The following CNIH3 variants were observed in gnomAD, a reference collection of about 807,000 sequenced individuals.
The protein encoded by CNIH3 is protein cornichon homolog 3.
Under a neutral mutation model 24.1 loss-of-function variants are expected in CNIH3, and 14 were observed. The ratio of observed to expected loss-of-function variants is 0.58; its 90% CI spans 0.38 to 0.91. CNIH3 has a LOEUF of 0.91. CNIH3 is among the 40% of genes least tolerant of loss of function. CNIH3 has a pLI of 0.00. For missense variants in CNIH3, 178 were observed against 196.8 expected (o/e 0.90, Z 0.57); for synonymous variants, 68 against 73.8 (o/e 0.92, Z 0.40).
At chr1:224,535,530 G>T (rs566549725) in intron 2 of CNIH3, among the ~76,000 whole-genome samples, 1 of 152,318 alleles carries the variant, frequency 6.6e-6, no homozygotes, top group Admixed American at 6.5e-5. Flanking sequence ...TAATGTTACT[G>T]TACTCAACTG....
At chr1:224,579,663 C>T (rs1049715308) in intron 4 of CNIH3, among the ~76,000 whole-genome samples, 4 of 152,148 alleles carry the variant, frequency 2.6e-5, no homozygotes, top group African/African-American at 7.2e-5. Context: ...GTGGATTCCT[C>T]AGGAAGGGAT....
At chr1:224,496,767 T>G (rs1677457084) in intron 1 of CNIH3, among the ~76,000 whole-genome samples, 1 of 152,226 alleles carries the variant, frequency 6.6e-6, no homozygotes, top group Non-Finnish European at 1.5e-5. Flanking sequence ...CTGCAAATCC[T>G]TATTGAAAAC....
chr1:224,583,113 G>A (rs1681347077), intron 4 of CNIH3: 1 of 152,198 alleles, frequency 6.6e-6, no homozygotes, highest in African/African-American at 2.4e-5. Context: ...ACTTGAGTCT[G>A]TGCTCTTAGA....
chr1:224,600,487 C>T (rs779866672), intron 3 of CNIH3, among the ~76,000 whole-genome samples: 4 of 152,092 alleles, frequency 2.6e-5, no homozygotes, highest in East Asian at 1.9e-4. Flanking sequence ...CCATCGTGCC[C>T]GGCCATCTGT....
intron 1 of CNIH3, among the ~76,000 whole-genome samples, chr1:224,452,709 G>GA (rs1156595730): frequency 6.7e-6 from 1 of 148,554 alleles, no homozygotes; most frequent in African/African-American, 2.5e-5. Flanking sequence ...ATGAACCTGG[G>GA]AGGCAGAGCT....
In CNIH3 at chr1:224,474,880, TAAAAA is replaced by T. The variant is rs1160769764; in HGVS notation, n.203+40019_203+40023del. Among the ~76,000 whole-genome samples, 7 of 42,396 alleles carry T rather than the reference TAAAAA, an allele frequency of 1.7e-4. No individual in the cohort carries two copies. The East Asian group carries it at 0.01, about 61-fold the overall frequency. 27.8% of individuals were successfully genotyped at this position (42,396 alleles called of 152,430 possible). ...GTCTCTACTAAAAAATACAAAAAAA[TAAAAA>T]TAAAAAAAAGCCGGTCGTGGCAGTG... On this transcript the variant is annotated intron_variant and non_coding_transcript_variant, in intron 1 of 5. Coordinates refer to the CNIH3 transcript ENST00000471578.
intron 1 of CNIH3, among the ~76,000 whole-genome samples, chr1:224,466,325 A>G (rs1676150894): frequency 6.6e-6 from 1 of 152,200 alleles, no homozygotes; most frequent in Non-Finnish European, 1.5e-5. Flanking sequence ...ATTCAAATAC[A>G]TTACGTAAAT....
intron 4 of CNIH3, among the ~76,000 whole-genome samples, chr1:224,579,353 A>G (rs916897464): frequency 3.9e-5 from 6 of 152,192 alleles, no homozygotes; most frequent in African/African-American, 1.2e-4. Flanking sequence ...CATAGAGTCC[A>G]TTGGAAACTC....
chr1:224,700,829 G>A (rs948675527), intron 3 of CNIH3, among the ~76,000 whole-genome samples: 5 of 152,182 alleles, frequency 3.3e-5, no homozygotes, highest in African/African-American at 7.2e-5. Context: ...TGGGTCATTC[G>A]TCATTCTAAT....
At chr1:224,491,162 A>G (rs960338442) in intron 1 of CNIH3, among the ~76,000 whole-genome samples, 2 of 152,224 alleles carry the variant, frequency 1.3e-5, no homozygotes, top group African/African-American at 4.8e-5. Context: ...TTGCTTTAAC[A>G]GGCCCTTATT....
At chr1:224,533,578 T>G (rs1679166054) in intron 2 of CNIH3, among the ~76,000 whole-genome samples, 2 of 152,150 alleles carry the variant, frequency 1.3e-5, no homozygotes, top group African/African-American at 4.8e-5. Context: ...CCATGTTCTC[T>G]CTGAAGCCTC....
At chr1:224,738,563 CT>C (rs1689711141) in intron 5 of CNIH3, among the ~76,000 whole-genome samples, 1 of 152,138 alleles carries the variant, frequency 6.6e-6, no homozygotes, top group African/African-American at 2.4e-5. Context: ...TTAGATGAAT[CT>C]TTTTTTCTCA....
intron 1 of CNIH3, among the ~76,000 whole-genome samples, chr1:224,651,478 C>T (rs1419290477): frequency 6.6e-6 from 1 of 152,192 alleles, no homozygotes; most frequent in African/African-American, 2.4e-5. Flanking sequence ...TTTCCTCCAG[C>T]CACTGTCCCC....
chr1:224,572,658 C>CA (rs1422258411), intron 4 of CNIH3, among the ~76,000 whole-genome samples: 2 of 150,302 alleles, frequency 1.3e-5, no homozygotes, highest in Non-Finnish European at 3.0e-5. Flanking sequence ...ATTTCTGCCC[C>CA]AAAAAATGCT....
chr1:224,642,429 T>C (rs1461406732), intron 1 of CNIH3, among the ~76,000 whole-genome samples: 1 of 152,172 alleles, frequency 6.6e-6, no homozygotes, highest in Non-Finnish European at 1.5e-5. Context: ...GGAATCTCCC[T>C]ATGTTACCCA....
chr1:224,725,215 AAAT>A lies in CNIH3; in HGVS notation c.199-5240_199-5238del, dbSNP rs546096017. Among the ~76,000 whole-genome samples, 28 of 152,284 alleles carry A rather than the reference AAAT, an allele frequency of 1.8e-4. No individual in the cohort carries two copies. The East Asian group carries it at 5.4e-3, about 29-fold the overall frequency. On this transcript the variant is annotated intron_variant, in intron 3 of 5. Coordinates refer to ENST00000272133, the MANE Select transcript of CNIH3 (RefSeq NM_152495.2). ...ACAGAGCAAGACTCTATCTCAGAAA[AAAT>A]AATAATGATAATAATGATCACAACA...
chr1:224,700,734 T>C (rs1687441833), intron 3 of CNIH3, among the ~76,000 whole-genome samples: 1 of 152,156 alleles, frequency 6.6e-6, no homozygotes. Context: ...TGCCTCTCCA[T>C]GCTACCACAC....
chr1:224,720,584 T>A lies in CNIH3; in HGVS notation c.199-9878T>A, dbSNP rs1237439173. Among the ~76,000 whole-genome samples the A allele has an allele frequency of 2.0e-5, 3 of 152,310 alleles. No homozygotes were observed. The East Asian group carries it at 5.8e-4, about 29-fold the overall frequency. ...TGGAGAGGAGGGCGGAGCTCTCAGC[T>A]GTGCTAAATTCCCATCGAGCTCTAG... On this transcript the variant is annotated intron_variant, in intron 3 of 5. Coordinates refer to ENST00000272133, the MANE Select transcript of CNIH3 (RefSeq NM_152495.2).
chr1:224,586,382 CT>C (rs1208759582), intron 5 of CNIH3, among the ~76,000 whole-genome samples: 3 of 152,160 alleles, frequency 2.0e-5, no homozygotes, highest in Admixed American at 6.5e-5. Context: ...AGAAACTCCC[CT>C]TTTTAAAACC....
Sources: gnomAD v4.1 joint callset for allele counts (sites outside exome capture counted in the v4.1 genomes callset) on GRCh38, gnomAD v4.1.1 for gene constraint, MANE v1.5 for transcripts, NCBI Gene and HGNC (gene_info 2026-07-23, HGNC 2026-07-21) for gene names.